Variants in ZNF469 observed in about 807,000 individuals in gnomAD.
ZNF469 encodes zinc finger protein 469.
In ZNF469, 1 loss-of-function variant was observed where a neutral mutation model predicts 1.0. The observed-to-expected ratio is 1.00, with a 90% confidence interval of 0.35 to 4.73. The LOEUF is 4.73. ZNF469 is among the 30% of genes most tolerant of loss of function. The pLI, the probability that ZNF469 is intolerant of heterozygous loss-of-function variation, is 0.16. For missense variants in ZNF469, 6,100 were observed against 5,356.3 expected, an observed-to-expected ratio of 1.14 and a Z score of -4.33; for synonymous variants, 2,703 against 2,363.4, an observed-to-expected ratio of 1.14 and a Z score of -4.17.
the ZNF469 span, among the ~76,000 whole-genome samples, chr16:88,111,050 G>T: frequency 1.3e-5 from 2 of 152,234 alleles, no homozygotes; most frequent in Non-Finnish European, 2.9e-5. Flanking sequence ...AAGGCCCCTT[G>T]CTTTTCTTCA....
chr16:88,258,234 G>A, the ZNF469 span, among the ~76,000 whole-genome samples: 4 of 152,132 alleles, frequency 2.6e-5, no homozygotes, highest in Admixed American at 6.5e-5. Context: ...GTGTGTTAGG[G>A]AACAGCCACT....
At chr16:88,414,541 G>C (rs1053523432) in intron 1 of ZNF469, among the ~76,000 whole-genome samples, 1 of 152,260 alleles carries the variant, frequency 6.6e-6, no homozygotes, top group South Asian at 2.1e-4. Context: ...AGGCCCGGCA[G>C]AGCTGCCCTG....
At chr16:88,297,322 G>C in the ZNF469 span, among the ~76,000 whole-genome samples, 2 of 152,172 alleles carry the variant, frequency 1.3e-5, no homozygotes, top group African/African-American at 4.8e-5. Context: ...GCAGGGTCCC[G>C]CCAGGGATGA....
At chr16:88,186,611 G>A in the ZNF469 span, among the ~76,000 whole-genome samples, 1 of 152,136 alleles carries the variant, frequency 6.6e-6, no homozygotes, top group Non-Finnish European at 1.5e-5. Flanking sequence ...CCTCAGTGTC[G>A]GGCGCGGGTG....
the ZNF469 span, among the ~76,000 whole-genome samples, chr16:88,168,519 G>T: frequency 6.6e-6 from 1 of 152,178 alleles, no homozygotes; most frequent in African/African-American, 2.4e-5. The surrounding 1 kb of genome is among the most constrained non-coding windows in gnomAD (Gnocchi z 4.3). Flanking sequence ...GTGTGATTGT[G>T]ACCTTGTGCA....
the ZNF469 span, among the ~76,000 whole-genome samples, chr16:88,118,009 C>T: frequency 6.6e-6 from 1 of 152,254 alleles, no homozygotes; most frequent in Non-Finnish European, 1.5e-5. Context: ...GTGGCACGAT[C>T]TCATCTCACC....
the ZNF469 span, among the ~76,000 whole-genome samples, chr16:88,157,066 A>C: frequency 6.6e-6 from 1 of 152,156 alleles, no homozygotes; most frequent in South Asian, 2.1e-4. Flanking sequence ...TGGCCCATGC[A>C]GCCGATGCAG....
chr16:88,235,003 C>G, the ZNF469 span: 1 of 152,418 alleles, frequency 6.6e-6, no homozygotes, highest in Non-Finnish European at 1.5e-5. Context: ...TCGCCCCCTT[C>G]CAGGTGCCTA....
the ZNF469 span, among the ~76,000 whole-genome samples, chr16:88,340,387 CG>C: frequency 2.0e-5 from 3 of 152,090 alleles, no homozygotes; most frequent in African/African-American, 4.8e-5. Context: ...AGATGTCATG[CG>C]TCAGGTGACA....
At chr16:88,256,926 CTTT>C in the ZNF469 span, among the ~76,000 whole-genome samples, 3 of 9,990 alleles carry the variant, frequency 3.0e-4, no homozygotes, top group Admixed American at 4.7e-3. Flanking sequence ...TTCTTTCTTT[CTTT>C]CTTTCTTTCT....
the ZNF469 span, among the ~76,000 whole-genome samples, chr16:88,243,084 C>T: frequency 8.5e-5 from 13 of 152,166 alleles, no homozygotes; most frequent in Middle Eastern, 3.2e-3. Context: ...GCCCACTTTC[C>T]GCTGCTTTAT....
At chr16:88,219,546 T>C in the ZNF469 span, among the ~76,000 whole-genome samples, 1 of 147,048 alleles carries the variant, frequency 6.8e-6, no homozygotes, top group African/African-American at 2.5e-5. Flanking sequence ...TAAATGGTGC[T>C]GGGAAAACTG....
At chr16:88,110,954 G>A in the ZNF469 span, among the ~76,000 whole-genome samples, 1 of 152,260 alleles carries the variant, frequency 6.6e-6, no homozygotes, top group Non-Finnish European at 1.5e-5. Flanking sequence ...ATGGCACAGT[G>A]TCCGTGGCAG....
At chr16:88,337,761 A>G in the ZNF469 span, among the ~76,000 whole-genome samples, 1 of 152,168 alleles carries the variant, frequency 6.6e-6, no homozygotes, top group African/African-American at 2.4e-5. Flanking sequence ...CTGGTGGCTG[A>G]TGGTGTCAGG....
chr16:88,178,453 G>C, the ZNF469 span: 3 of 152,254 alleles, frequency 2.0e-5, no homozygotes, highest in Non-Finnish European at 2.9e-5. Context: ...CCCTAAGTGA[G>C]TTCTGCTCCG....
chr16:88,353,621 T>C, the ZNF469 span, among the ~76,000 whole-genome samples: 3 of 152,186 alleles, frequency 2.0e-5, no homozygotes, highest in Non-Finnish European at 4.4e-5. Flanking sequence ...CTTCAGAGCA[T>C]GCGCGCGTGT....
chr16:88,256,942 CTTTCTTTCT>C, the ZNF469 span, among the ~76,000 whole-genome samples: 5,658 of 14,468 alleles, frequency 0.39, 405 homozygotes, highest in Non-Finnish European at 0.47. Context: ...TTCTTTCTTT[CTTTCTTTCT>C]TTTCTTTTCT....
chr16:88,145,650 G>A, the ZNF469 span, among the ~76,000 whole-genome samples: 1 of 152,240 alleles, frequency 6.6e-6, no homozygotes, highest in African/African-American at 2.4e-5. Context: ...GCCCAGTGAA[G>A]ACCAGAGCTG....
At chr16:88,383,450 C>A (rs1451292207) in intron 1 of ZNF469, among the ~76,000 whole-genome samples, 196 bp downstream of exon 1, 1 of 148,558 alleles carries the variant, frequency 6.7e-6, no homozygotes, top group Non-Finnish European at 1.5e-5. Context: ...ACCTCCTCCT[C>A]CCGGGCCCGG....
Sources: allele counts gnomAD v4.1 joint callset (sites outside exome capture counted in the v4.1 genomes callset), GRCh38; gene constraint gnomAD v4.1.1; non-coding constraint Gnocchi (gnomAD v3.1); transcripts MANE v1.5; gene names NCBI Gene and HGNC (gene_info 2026-07-23, HGNC 2026-07-21).